Variants in DYSF observed in about 807,000 individuals in gnomAD.
DYSF encodes the protein dystrophy-associated fer-1-like 1.
DYSF carries 212 observed loss-of-function variants against 274.9 expected under a neutral mutation model. The ratio of observed to expected loss-of-function variants is 0.77; its 90% CI spans 0.69 to 0.86. DYSF has a LOEUF of 0.86. DYSF is among the 40% of genes least tolerant of loss of function. DYSF has a pLI of 0.00. For synonymous variants in DYSF, 1,091 were observed against 1,078.7 expected (o/e 1.01, Z -0.22); for missense variants, 2,666 against 2,783.2 (o/e 0.96, Z 0.95).
intron 42 of DYSF, among the ~76,000 whole-genome samples, chr2:71,646,955 A>G (rs1168272008): frequency 6.6e-6 from 1 of 152,198 alleles, no homozygotes; most frequent in East Asian, 1.9e-4. Context: ...AGCAAAGGAA[A>G]CAAAATAGAG....
At position 71,580,826 on chromosome 2, in the gene DYSF, T is replaced by C. The variant is rs567064227; in HGVS notation, c.3402+6455T>C. Among the ~76,000 whole-genome samples the C allele has an allele frequency of 2.6e-5, 4 of 152,326 alleles. No individual in the cohort carries two copies. The South Asian group carries it at 6.2e-4, about 24-fold the overall frequency. ...TAAATGCGTGGACCCTGCATCTGTCTCGCTCAAGATTTGAACCCCAAGGTC... is the reference window on the plus strand; with the variant it reads ...TAAATGCGTGGACCCTGCATCTGTCCCGCTCAAGATTTGAACCCCAAGGTC... On this transcript the variant is annotated intron_variant, in intron 30 of 55. Coordinates refer to ENST00000410020, the MANE Select transcript of DYSF (RefSeq NM_001130987.2).
At chr2:71,519,946 A>G (rs1356219508) in intron 10 of DYSF, among the ~76,000 whole-genome samples, 1 of 151,598 alleles carries the variant, frequency 6.6e-6, no homozygotes, top group Admixed American at 6.6e-5. Flanking sequence ...TACAGGCATG[A>G]GCCACCACGC....
At chr2:71,492,705 C>CG (rs969033041) in intron 3 of DYSF, among the ~76,000 whole-genome samples, 1 of 139,236 alleles carries the variant, frequency 7.2e-6, no homozygotes, top group Non-Finnish European at 1.6e-5. Context: ...TCCTCCCCCC[C>CG]CCCCTTTTCT....
chr2:71,485,384 C>T (rs970267640), intron 3 of DYSF, among the ~76,000 whole-genome samples: 5 of 152,258 alleles, frequency 3.3e-5, no homozygotes, highest in Middle Eastern at 3.4e-3. Context: ...GGTGAAACCC[C>T]GTCACTACTC....
chr2:71,571,984 C>T (rs566261562), intron 29 of DYSF, among the ~76,000 whole-genome samples: 40 of 146,158 alleles, frequency 2.7e-4, no homozygotes, highest in Admixed American at 9.5e-4. Context: ...GCATGGATCA[C>T]ATCCAGCACA....
chr2:71,674,358 T>A (rs2095183481), intron 52 of DYSF, 62 bp downstream of exon 52: 2 of 1,503,534 alleles, frequency 1.3e-6, no homozygotes, highest in African/African-American at 2.8e-5. Flanking sequence ...CCACACTGTG[T>A]GTTTATGCCA....
chr2:71,618,163 TGTG>T (rs2093959885), intron 40 of DYSF, among the ~76,000 whole-genome samples: 2 of 146,214 alleles, frequency 1.4e-5, no homozygotes, highest in Non-Finnish European at 3.0e-5. Flanking sequence ...TGTGTGTGTG[TGTG>T]TGTGGTAGAG....
chr2:71,610,382 G>T (rs1388486339), intron 36 of DYSF, among the ~76,000 whole-genome samples: 1 of 152,226 alleles, frequency 6.6e-6, no homozygotes. Flanking sequence ...GCTATAGGAG[G>T]TGAAATAATT....
chr2:71,455,661 G>T (rs74336530), intron 1 of DYSF, among the ~76,000 whole-genome samples: 1 of 152,080 alleles, frequency 6.6e-6, no homozygotes, highest in Non-Finnish European at 1.5e-5. Context: ...GCCCCTTGGC[G>T]GAGGGGAGGG....
At chr2:71,476,380 A>C (rs1394516859) in intron 1 of DYSF, among the ~76,000 whole-genome samples, 1 of 152,040 alleles carries the variant, frequency 6.6e-6, no homozygotes, top group African/African-American at 2.4e-5. Context: ...GGTCAGGCTA[A>C]AAATACAAAA....
At chr2:71,540,355 C>T (rs1467222135) in intron 17 of DYSF, among the ~76,000 whole-genome samples, 1 of 151,994 alleles carries the variant, frequency 6.6e-6, no homozygotes, top group Non-Finnish European at 1.5e-5. Context: ...ATGATCCGCC[C>T]ACCTCGGCCT....
chr2:71,618,451 TGGG>T (rs150257500), intron 40 of DYSF, among the ~76,000 whole-genome samples: 1 of 38,654 alleles, frequency 2.6e-5, no homozygotes, highest in African/African-American at 1.2e-4. Context: ...GTGGTAGAGG[TGGG>T]GTTGTGTGTG....
At chr2:71,610,007 G>C (rs11888860) in intron 36 of DYSF, among the ~76,000 whole-genome samples, 2 of 152,054 alleles carry the variant, frequency 1.3e-5, no homozygotes, top group East Asian at 3.8e-4. Flanking sequence ...TAACATTTCC[G>C]GAGTGTCAGG....
chr2:71,476,217 C>A (rs952629904), intron 1 of DYSF, among the ~76,000 whole-genome samples: 1 of 152,144 alleles, frequency 6.6e-6, no homozygotes, highest in African/African-American at 2.4e-5. Flanking sequence ...GATGGTACAA[C>A]AGCAATGGCA....
intron 10 of DYSF, among the ~76,000 whole-genome samples, chr2:71,519,868 G>T (rs1225465895): frequency 7.7e-6 from 1 of 129,640 alleles, no homozygotes; most frequent in Non-Finnish European, 1.6e-5. Flanking sequence ...TCACCATGTT[G>T]GTCAGGCTGG....
intron 3 of DYSF, among the ~76,000 whole-genome samples, chr2:71,491,885 A>G (rs980614103): frequency 3.9e-5 from 6 of 152,236 alleles, no homozygotes; most frequent in African/African-American, 1.4e-4. Flanking sequence ...CATAGCACAC[A>G]GACCTTTATA....
Position 71,515,711 on chromosome 2 carries a change from G to T in DYSF, c.848G>T (p.Arg283Leu), listed in dbSNP as rs372512141. 3.1e-6 allele frequency: 5 copies of T among 1,614,168 alleles called. No individual in the cohort carries two copies. Among genetic ancestry groups the T allele is most frequent in the Admixed American group, 1.7e-5 (1 of 60,016 alleles). Residue 283 changes from arginine to leucine, a missense_variant, in exon 8 of 56, where the codon CGG becomes CTG. Physicochemically the swap from Arg to Leu is moderately radical, Grantham distance 102. This residue lies in a region of DYSF where 794 missense variants were observed against 777.1 expected (regional missense o/e 1.02). Coordinates refer to ENST00000410020, the MANE Select transcript of DYSF (RefSeq NM_001130987.2). ...GTTACCGCTGCAGGGCAGACCAAGC[G>T]GACGCGGATCCACAAGGGAAACAGC... ...VKVTAAGQTK[R>L]TRIHKGNSPL...
chr2:71,676,073 C>T (rs1054741064), intron 52 of DYSF, among the ~76,000 whole-genome samples: 3 of 152,188 alleles, frequency 2.0e-5, no homozygotes, highest in Middle Eastern at 3.2e-3. Flanking sequence ...GATTAATCCT[C>T]TCCTGGTGGG....
At chr2:71,463,747 A>G (rs1395372201), upstream of DYSF, among the ~76,000 whole-genome samples, 1 of 152,224 alleles carries the variant, frequency 6.6e-6, no homozygotes, top group Non-Finnish European at 1.5e-5. Context: ...TTCTCTATTC[A>G]TGGCATATAA....
Sources: gnomAD v4.1 joint callset for allele counts (sites outside exome capture counted in the v4.1 genomes callset) on GRCh38, gnomAD v4.1.1 for gene constraint, gnomAD v4.1.1 regional missense constraint, MANE v1.5 for transcripts, NCBI Gene and HGNC (gene_info 2026-07-23, HGNC 2026-07-21) for gene names.